GALNTL6: variants seen among roughly 807,000 people sequenced by gnomAD.
The protein encoded by GALNTL6 is polypeptide N-acetylgalactosaminyltransferase-like 6.
Under a neutral mutation model 73.7 loss-of-function variants are expected in GALNTL6, and 46 were observed. That is an observed-to-expected ratio of 0.62 (90% CI 0.49 to 0.80). The LOEUF (loss-of-function observed/expected upper bound fraction) is 0.80, where lower values mean the gene tolerates loss of function less well. GALNTL6 is among the 30% of genes least tolerant of loss of function. The pLI is 0.00. For synonymous variants in GALNTL6, 259 were observed against 263.7 expected (o/e 0.98, Z 0.17); for missense variants, 604 against 755.0 (o/e 0.80, Z 2.34).
chr4:172,190,267 C>A (rs1258429179), intron 2 of GALNTL6, among the ~76,000 whole-genome samples: 1 of 152,106 alleles, frequency 6.6e-6, no homozygotes, highest in Non-Finnish European at 1.5e-5. Context: ...CCTATTGAAG[C>A]TCATCTATTA....
chr4:172,906,261 A>G (rs905900430), intron 8 of GALNTL6, among the ~76,000 whole-genome samples: 14 of 152,270 alleles, frequency 9.2e-5, no homozygotes, highest in African/African-American at 3.4e-4. Flanking sequence ...ACAAATACCC[A>G]AAAATGATAA....
At chr4:172,336,702 A>G (rs541879173) in intron 4 of GALNTL6, among the ~76,000 whole-genome samples, 90 of 152,314 alleles carry the variant, frequency 5.9e-4, no homozygotes, top group African/African-American at 2.1e-3. Context: ...CATGCAGACG[A>G]GAAAAATGTG....
At chr4:172,038,403 T>C (rs1741998147) in intron 2 of GALNTL6, among the ~76,000 whole-genome samples, 1 of 152,210 alleles carries the variant, frequency 6.6e-6, no homozygotes, top group African/African-American at 2.4e-5. Context: ...TTATATATTC[T>C]ATCTTCCAGT....
intron 5 of GALNTL6, among the ~76,000 whole-genome samples, chr4:172,576,875 A>G (rs1205280864): frequency 6.6e-6 from 1 of 152,192 alleles, no homozygotes; most frequent in Non-Finnish European, 1.5e-5. Context: ...GTTGGTTGTC[A>G]ATACGGGTTG....
intron 5 of GALNTL6, among the ~76,000 whole-genome samples, chr4:172,427,012 T>C (rs1418547291): frequency 1.3e-5 from 2 of 152,106 alleles, no homozygotes; most frequent in African/African-American, 4.8e-5. Context: ...ATGTATGTAA[T>C]TATGCATAAA....
chr4:172,415,381 C>T (rs922843512), intron 5 of GALNTL6, among the ~76,000 whole-genome samples: 10 of 152,142 alleles, frequency 6.6e-5, no homozygotes, highest in African/African-American at 2.4e-4. Flanking sequence ...CTATGTCCAG[C>T]ACAGCCATGT....
At chr4:172,152,558 G>T (rs964462100) in intron 2 of GALNTL6, among the ~76,000 whole-genome samples, 2 of 152,166 alleles carry the variant, frequency 1.3e-5, no homozygotes. Context: ...TTTCATTTAT[G>T]TAAGAATGAG....
intron 5 of GALNTL6, among the ~76,000 whole-genome samples, chr4:172,806,527 T>C (rs916099043): frequency 1.3e-5 from 2 of 152,208 alleles, no homozygotes; most frequent in South Asian, 2.1e-4. Context: ...TGACTCTCAC[T>C]TTGGAAGACC....
chr4:172,677,769 A>G (rs750135145), intron 5 of GALNTL6, among the ~76,000 whole-genome samples: 1 of 148,896 alleles, frequency 6.7e-6, no homozygotes, highest in Non-Finnish European at 1.5e-5. Context: ...ACAAAAAATT[A>G]AAAAAAAAAG....
chr4:172,873,406 C>G (rs1258459801), intron 7 of GALNTL6, among the ~76,000 whole-genome samples: 1 of 152,208 alleles, frequency 6.6e-6, no homozygotes, highest in Non-Finnish European at 1.5e-5. Context: ...CATGGTCTTT[C>G]ATAAAGCACC....
At chr4:172,048,144 A>G (rs1281151124) in intron 2 of GALNTL6, among the ~76,000 whole-genome samples, 1 of 152,178 alleles carries the variant, frequency 6.6e-6, no homozygotes, top group East Asian at 1.9e-4. Context: ...AGCAAGTTTC[A>G]AAGTAATTTT....
chr4:171,940,464 A>G (rs747306197), intron 2 of GALNTL6, among the ~76,000 whole-genome samples: 9 of 152,144 alleles, frequency 5.9e-5, no homozygotes, highest in Non-Finnish European at 1.2e-4. Context: ...GGTTGACTAC[A>G]AAAGTTTAAT....
intron 7 of GALNTL6, among the ~76,000 whole-genome samples, chr4:172,845,540 T>C (rs1284450947): frequency 6.6e-6 from 1 of 152,178 alleles, no homozygotes; most frequent in Non-Finnish European, 1.5e-5. Flanking sequence ...AATGAGAGCA[T>C]TGTTAGCAGT....
intron 2 of GALNTL6, among the ~76,000 whole-genome samples, chr4:172,105,840 A>G (rs1225498810): frequency 6.6e-6 from 1 of 152,198 alleles, no homozygotes; most frequent in Admixed American, 6.5e-5. Context: ...TGTTCAATAG[A>G]GAACAAGAAA....
chr4:172,129,306 T>C (rs1379661787), intron 2 of GALNTL6, among the ~76,000 whole-genome samples: 2 of 152,188 alleles, frequency 1.3e-5, no homozygotes, highest in Non-Finnish European at 2.9e-5. Flanking sequence ...AACTGTATAG[T>C]TGGTTGCACT....
rs368243581 is a variant in GALNTL6, at chr4:172,341,343, T to C, written c.387-7180T>C. Among the ~76,000 whole-genome samples, 80 of 146,874 alleles carry C rather than the reference T, an allele frequency of 5.4e-4. No individual in the cohort carries two copies. In the East Asian group the frequency reaches 0.013, roughly 23 times the overall value. On this transcript the variant is annotated intron_variant, in intron 4 of 12. Coordinates refer to ENST00000506823, the MANE Select transcript of GALNTL6 (RefSeq NM_001034845.3). Reference sequence around the variant, plus strand: ...GCGGGCGCCTGTAGTCCCAGCTACTTGGGAGGCTGAGGCAGGAGAATGGCG... The same window carrying C: ...GCGGGCGCCTGTAGTCCCAGCTACTCGGGAGGCTGAGGCAGGAGAATGGCG...
chr4:171,906,575 A>T (rs576177876), intron 2 of GALNTL6, among the ~76,000 whole-genome samples: 1 of 152,218 alleles, frequency 6.6e-6, no homozygotes, highest in Non-Finnish European at 1.5e-5. Flanking sequence ...ACAAGGAGGA[A>T]CTGGTGCCAT....
chr4:172,996,631 T>C (rs564032083), intron 10 of GALNTL6, among the ~76,000 whole-genome samples: 11 of 152,184 alleles, frequency 7.2e-5, no homozygotes, highest in Admixed American at 1.3e-4. Flanking sequence ...AATTGTTCCA[T>C]ATGCTCTGTT....
intron 3 of GALNTL6, among the ~76,000 whole-genome samples, chr4:172,257,791 A>C (rs970827193): frequency 2.0e-5 from 3 of 151,394 alleles, no homozygotes; most frequent in African/African-American, 7.2e-5. Context: ...TTTCCCTTTT[A>C]GAATATTGCT....
Sources: gnomAD v4.1 joint callset for allele counts (sites outside exome capture counted in the v4.1 genomes callset) on GRCh38, gnomAD v4.1.1 for gene constraint, MANE v1.5 for transcripts, NCBI Gene and HGNC (gene_info 2026-07-23, HGNC 2026-07-21) for gene names.